MACROD2: variants seen among roughly 807,000 people sequenced by gnomAD.
MACROD2 encodes the protein ADP-ribose glycohydrolase MACROD2.
A neutral mutation model predicts 70.4 loss-of-function variants in MACROD2; 36 were observed. The ratio of observed to expected loss-of-function variants is 0.51; its 90% CI spans 0.39 to 0.68. MACROD2 has a LOEUF of 0.68. Ranked by LOEUF, MACROD2 falls within the 30% of genes least tolerant of loss-of-function variation. MACROD2 has a pLI of 0.00. For missense variants in MACROD2, 496 were observed against 538.4 expected, an observed-to-expected ratio of 0.92 and a Z score of 0.78; for synonymous variants, 172 against 178.8, an observed-to-expected ratio of 0.96 and a Z score of 0.30.
At chr20:15,316,190 T>C (rs955410891) in intron 6 of MACROD2, among the ~76,000 whole-genome samples, 2 of 149,642 alleles carry the variant, frequency 1.3e-5, no homozygotes, top group East Asian at 2.0e-4. Flanking sequence ...AGAAAACAAA[T>C]AGCAAAATGA....
intron 4 of MACROD2, among the ~76,000 whole-genome samples, chr20:14,528,029 A>G (rs1019306502): frequency 1.3e-5 from 2 of 152,180 alleles, no homozygotes; most frequent in African/African-American, 4.8e-5. Context: ...CATCAGTATC[A>G]TATAAACTAA....
At chr20:14,596,224 T>A (rs946321828) in intron 4 of MACROD2, among the ~76,000 whole-genome samples, 19 of 121,820 alleles carry the variant, frequency 1.6e-4, no homozygotes, top group African/African-American at 7.8e-4. Flanking sequence ...TAGCTGGGAC[T>A]ACATACAGGC....
At chr20:15,046,179 T>TA (rs930508081) in intron 5 of MACROD2, among the ~76,000 whole-genome samples, 16 of 145,584 alleles carry the variant, frequency 1.1e-4, no homozygotes, top group Non-Finnish European at 2.9e-5. Flanking sequence ...AGGTAAAAAT[T>TA]AAAAAATACA....
intron 6 of MACROD2, among the ~76,000 whole-genome samples, chr20:15,311,245 A>G (rs2146147267): frequency 6.6e-6 from 1 of 152,362 alleles, no homozygotes; most frequent in South Asian, 2.1e-4. Flanking sequence ...GAACGTGCAG[A>G]GAATAGTAAT....
intron 5 of MACROD2, among the ~76,000 whole-genome samples, chr20:14,704,571 C>T (rs576758807): frequency 1.3e-5 from 2 of 152,266 alleles, no homozygotes; most frequent in African/African-American, 4.8e-5. Flanking sequence ...TGGGGAAACT[C>T]AAAGGAAGAT....
At chr20:14,128,273 C>A (rs925110665) in intron 3 of MACROD2, 1 of 217,978 alleles carries the variant, frequency 4.6e-6, no homozygotes, top group Non-Finnish European at 9.4e-6. Flanking sequence ...AAGGAGCTCC[C>A]TTTGAGATGA....
chr20:15,644,320 C>T (rs953887937), intron 8 of MACROD2, among the ~76,000 whole-genome samples: 1 of 152,166 alleles, frequency 6.6e-6, no homozygotes, highest in Non-Finnish European at 1.5e-5. Context: ...AATCATCCCT[C>T]TCTGCAGGGA....
chr20:14,441,509 T>C (rs1027955879), intron 3 of MACROD2, among the ~76,000 whole-genome samples: 2 of 152,142 alleles, frequency 1.3e-5, no homozygotes, highest in Non-Finnish European at 2.9e-5. Context: ...GGAACAGAGG[T>C]AATTCTCGGT....
At chr20:15,886,370 A>T (rs1200087376) in intron 10 of MACROD2, among the ~76,000 whole-genome samples, 1 of 152,164 alleles carries the variant, frequency 6.6e-6, no homozygotes, top group Non-Finnish European at 1.5e-5. Context: ...TCTCCTGGAA[A>T]AAGGGAGACA....
At chr20:15,640,024 G>A (rs2049433397) in intron 8 of MACROD2, among the ~76,000 whole-genome samples, 3 of 149,212 alleles carry the variant, frequency 2.0e-5, no homozygotes, top group African/African-American at 7.5e-5. Context: ...ATAGAGAGAA[G>A]GAGAGAGAAA....
chr20:14,218,145 A>G (rs796939002), intron 3 of MACROD2, among the ~76,000 whole-genome samples: 1 of 152,082 alleles, frequency 6.6e-6, no homozygotes, highest in South Asian at 2.1e-4. Flanking sequence ...TTGTGTTGCT[A>G]TCTCATTTCT....
chr20:14,536,938 G>A (rs1319885978), intron 4 of MACROD2, among the ~76,000 whole-genome samples: 4 of 152,102 alleles, frequency 2.6e-5, no homozygotes, highest in Non-Finnish European at 5.9e-5. Flanking sequence ...AATAATTAAT[G>A]CCACAGACAT....
At chr20:15,612,966 T>G (rs1600667552) in intron 8 of MACROD2, among the ~76,000 whole-genome samples, 1 of 152,188 alleles carries the variant, frequency 6.6e-6, no homozygotes, top group African/African-American at 2.4e-5. Context: ...CATTTCAGCC[T>G]GGGCACGGGA....
chr20:15,019,799 T>C (rs1415761051), intron 5 of MACROD2, among the ~76,000 whole-genome samples: 3 of 152,198 alleles, frequency 2.0e-5, no homozygotes, highest in Non-Finnish European at 4.4e-5. Flanking sequence ...ATAAGTATTT[T>C]AGTTTTTGTG....
chr20:14,406,946 A>G (rs2083696699), intron 3 of MACROD2, among the ~76,000 whole-genome samples: 1 of 152,128 alleles, frequency 6.6e-6, no homozygotes, highest in Non-Finnish European at 1.5e-5. Context: ...CTTTCTTGGA[A>G]TGGGCTTTTA....
intron 5 of MACROD2, among the ~76,000 whole-genome samples, chr20:15,088,177 A>C (rs993773860): frequency 1.3e-5 from 2 of 151,658 alleles, no homozygotes; most frequent in African/African-American, 4.8e-5. Flanking sequence ...TACAAAAATC[A>C]GTTTGCAATA....
intron 12 of MACROD2, among the ~76,000 whole-genome samples, chr20:15,959,732 C>T (rs924436832): frequency 1.3e-5 from 2 of 152,038 alleles, no homozygotes; most frequent in African/African-American, 4.8e-5. Context: ...CGGGGTTTCA[C>T]TATGTTGACC....
intron 5 of MACROD2, among the ~76,000 whole-genome samples, chr20:15,017,078 G>A (rs1219916607): frequency 2.0e-4 from 31 of 152,042 alleles, no homozygotes; most frequent in Admixed American, 6.5e-5. Context: ...GCTCATTTCA[G>A]CATTAACCCA....
At chr20:15,843,451 T>G (rs1386372560) in intron 8 of MACROD2, among the ~76,000 whole-genome samples, 1 of 152,218 alleles carries the variant, frequency 6.6e-6, no homozygotes. Flanking sequence ...CCAGTGCTTT[T>G]GCTTTTGAAA....
Sources: gnomAD v4.1 joint callset for allele counts (sites outside exome capture counted in the v4.1 genomes callset) on GRCh38, gnomAD v4.1.1 for gene constraint, MANE v1.5 for transcripts, NCBI Gene and HGNC (gene_info 2026-07-23, HGNC 2026-07-21) for gene names.